The following NAALADL2 variants were observed in gnomAD, a reference collection of about 807,000 sequenced individuals.
The protein encoded by NAALADL2 is inactive N-acetylated-alpha-linked acidic dipeptidase-like protein 2.
A neutral mutation model predicts 87.2 loss-of-function variants in NAALADL2; 76 were observed. That is an observed-to-expected ratio of 0.87 (90% CI 0.72 to 1.05). The LOEUF (loss-of-function observed/expected upper bound fraction) is 1.05. Ranked by LOEUF, NAALADL2 falls within the 50% of genes least tolerant of loss-of-function variation. NAALADL2 has a pLI of 0.00. For missense variants in NAALADL2, 1,089 were observed against 945.8 expected (o/e 1.15, Z -1.99); for synonymous variants, 354 against 331.0 (o/e 1.07, Z -0.75).
At chr3:175,189,399 T>C (rs910340154) in intron 2 of NAALADL2, among the ~76,000 whole-genome samples, 3 of 152,028 alleles carry the variant, frequency 2.0e-5, no homozygotes, top group African/African-American at 7.3e-5. Context: ...GGATACAAAA[T>C]CAATGTACAC....
chr3:174,727,351 A>C (rs1732299419), intron 2 of NAALADL2, among the ~76,000 whole-genome samples: 1 of 152,058 alleles, frequency 6.6e-6, no homozygotes, highest in African/African-American at 2.4e-5. Context: ...TTCCTTTCCC[A>C]AAATGGGTAA....
At chr3:175,268,869 A>G (rs13081473) in intron 4 of NAALADL2, among the ~76,000 whole-genome samples, 1 of 151,768 alleles carries the variant, frequency 6.6e-6, no homozygotes, top group African/African-American at 2.4e-5. Context: ...GTCATCTCCT[A>G]TGATAACAAT....
chr3:175,579,943 C>G (rs185116730), intron 10 of NAALADL2, among the ~76,000 whole-genome samples: 1 of 152,226 alleles, frequency 6.6e-6, no homozygotes, highest in South Asian at 2.1e-4. Context: ...AGCTCTGATT[C>G]CTCACTCTGT....
At position 175,805,464 on chromosome 3, in the gene NAALADL2, G is replaced by A. The variant is rs948234743; in HGVS notation, c.*2261G>A. 5.3e-5 allele frequency: 8 copies of A among 151,744 alleles called. No homozygotes were observed. The highest frequency in any genetic ancestry group is 1.2e-4 in the Non-Finnish European group (8 of 67,852). The allele number at this position is 151,744 out of a possible 1,614,324, so 9.4% of individuals were successfully genotyped here. Reference sequence around the variant, plus strand: ...GTGGAGATATTAAATTATACCTAAAGCAGACGTCCAACAAATTCTGTACAT... The same window carrying A: ...GTGGAGATATTAAATTATACCTAAAACAGACGTCCAACAAATTCTGTACAT... On this transcript the variant is annotated 3_prime_UTR_variant, in exon 14 of 14. Coordinates refer to ENST00000454872, the MANE Select transcript of NAALADL2 (RefSeq NM_207015.3).
intron 2 of NAALADL2, among the ~76,000 whole-genome samples, chr3:174,702,448 C>T (rs1393624973): frequency 6.6e-6 from 1 of 152,130 alleles, no homozygotes; most frequent in Non-Finnish European, 1.5e-5. Context: ...TCTGTACCTG[C>T]TCTCAATCAG....
intron 2 of NAALADL2, among the ~76,000 whole-genome samples, chr3:175,184,523 G>A (rs1239298974): frequency 6.6e-6 from 1 of 151,580 alleles, no homozygotes; most frequent in African/African-American, 2.4e-5. Flanking sequence ...GTACTGAGGG[G>A]TACTGAAATT....
intron 5 of NAALADL2, among the ~76,000 whole-genome samples, chr3:175,414,966 A>G (rs1364881883): frequency 6.6e-6 from 1 of 152,192 alleles, no homozygotes; most frequent in African/African-American, 2.4e-5. Context: ...GAACATTACA[A>G]CTGATCAAAA....
In NAALADL2 at chr3:175,441,429, C is replaced by T. The variant is rs995917035; in HGVS notation, c.1091-5800C>T. Among the ~76,000 whole-genome samples the T allele has an allele frequency of 4.1e-4, 63 of 152,188 alleles. 3 individuals are homozygous for T. Among genetic ancestry groups the T allele is most frequent in the Admixed American group, 1.4e-3 (22 of 15,276 alleles). On this transcript the variant is annotated intron_variant, in intron 5 of 13. Transcript: ENST00000454872. ...TGGTATCCACAAGGGCTCCCAGAAC[C>T]GATTGCTGGCAGGTACCAAGGGATG...
At chr3:175,110,374 A>C (rs1723988015) in intron 2 of NAALADL2, among the ~76,000 whole-genome samples, 1 of 151,832 alleles carries the variant, frequency 6.6e-6, no homozygotes, top group Non-Finnish European at 1.5e-5. Flanking sequence ...ATTCATTTAC[A>C]GACATGGAAA....
intron 5 of NAALADL2, among the ~76,000 whole-genome samples, chr3:175,437,680 A>G (rs1205670689): frequency 6.6e-6 from 1 of 151,648 alleles, no homozygotes; most frequent in African/African-American, 2.4e-5. Context: ...TGGAGGCATC[A>G]CACTACCTGA....
At chr3:175,518,398 C>T (rs540858877) in intron 9 of NAALADL2, among the ~76,000 whole-genome samples, 184 of 152,318 alleles carry the variant, frequency 1.2e-3, no homozygotes, top group Non-Finnish European at 2.3e-3. Flanking sequence ...TAATTCTTTA[C>T]GTCTTCTTTA....
chr3:175,683,673 T>G (rs1321012948), intron 11 of NAALADL2, among the ~76,000 whole-genome samples: 1 of 152,002 alleles, frequency 6.6e-6, no homozygotes. Flanking sequence ...ATATATTATT[T>G]GAATAAATGA....
chr3:174,474,591 T>A (rs1409622008), intron 1 of NAALADL2, among the ~76,000 whole-genome samples: 2 of 152,136 alleles, frequency 1.3e-5, no homozygotes, highest in Non-Finnish European at 2.9e-5. Flanking sequence ...AAATCTGTAC[T>A]TTTTTGTTGT....
At chr3:175,078,406 A>AT (rs1213190416) in intron 1 of NAALADL2, among the ~76,000 whole-genome samples, 8 of 151,670 alleles carry the variant, frequency 5.3e-5, no homozygotes, top group African/African-American at 2.0e-4. Flanking sequence ...GTATGTAATA[A>AT]TTTTAAAAAA....
rs370721420 is a variant in NAALADL2 at position 175,110,836 on chromosome 3, T to C, written c.545+13545T>C. Reference sequence around the variant, plus strand: ...AATAACACAGGATGACCAAAAACGTTTAGTAAATCTGGGTAACAATTTGGG... The same window carrying C: ...AATAACACAGGATGACCAAAAACGTCTAGTAAATCTGGGTAACAATTTGGG... On this transcript the variant is annotated intron_variant, in intron 2 of 13. Coordinates refer to ENST00000454872, the MANE Select transcript of NAALADL2 (RefSeq NM_207015.3). Among the ~76,000 whole-genome samples the C allele has an allele frequency of 3.3e-5, 5 of 151,704 alleles. No individual in the cohort carries two copies. The East Asian group carries it at 5.8e-4, about 18-fold the overall frequency.
At chr3:174,908,677 A>G (rs1246414064) in intron 1 of NAALADL2, among the ~76,000 whole-genome samples, 1 of 152,110 alleles carries the variant, frequency 6.6e-6, no homozygotes. Flanking sequence ...TTTAATAAAA[A>G]TTTGACTTAT....
intron 10 of NAALADL2, among the ~76,000 whole-genome samples, chr3:175,617,095 C>T (rs4465951): frequency 0.63 from 96,447 of 151,934 alleles, 32,802 homozygotes; most frequent in East Asian, 0.85. Flanking sequence ...ATTAAAAAGG[C>T]GTGAGTAAAA....
chr3:175,043,091 A>G (rs1322990437), intron 1 of NAALADL2, among the ~76,000 whole-genome samples: 1 of 152,180 alleles, frequency 6.6e-6, no homozygotes, highest in Non-Finnish European at 1.5e-5. Flanking sequence ...TCCAACCATC[A>G]GAATCAGAAG....
intron 2 of NAALADL2, among the ~76,000 whole-genome samples, chr3:174,636,679 A>C (rs1054473331): frequency 1.3e-5 from 2 of 152,174 alleles, no homozygotes; most frequent in African/African-American, 2.4e-5. Flanking sequence ...GGATACAGAG[A>C]AAAGGGAACT....
Sources: gnomAD v4.1 joint callset for allele counts (sites outside exome capture counted in the v4.1 genomes callset) on GRCh38, gnomAD v4.1.1 for gene constraint, MANE v1.5 for transcripts, NCBI Gene and HGNC (gene_info 2026-07-23, HGNC 2026-07-21) for gene names.